ERI3: variants seen among roughly 807,000 people sequenced by gnomAD.
ERI3 encodes ERI1 exoribonuclease 3.
Under a neutral mutation model 44.4 loss-of-function variants are expected in ERI3, and 18 were observed. That is an observed-to-expected ratio of 0.41 (90% confidence interval 0.28 to 0.60). The LOEUF (loss-of-function observed/expected upper bound fraction) is 0.60. Ranked by LOEUF, ERI3 falls within the 20% of genes least tolerant of loss-of-function variation. ERI3 has a pLI of 0.36. For synonymous variants in ERI3, 183 were observed against 164.8 expected, an observed-to-expected ratio of 1.11 and a Z score of -0.84; for missense variants, 294 against 435.5, an observed-to-expected ratio of 0.68 and a Z score of 2.89.
chr1:44,282,900 T>C (rs970157707), intron 7 of ERI3, among the ~76,000 whole-genome samples: 1 of 152,196 alleles, frequency 6.6e-6, no homozygotes, highest in Non-Finnish European at 1.5e-5. Flanking sequence ...CTGGGCAGCC[T>C]GCCTTTACCC....
At chr1:44,289,890 T>G (rs325161) in intron 6 of ERI3, among the ~76,000 whole-genome samples, 98,682 of 152,148 alleles carry the variant, frequency 0.65, 33,282 homozygotes, top group East Asian at 0.81. Context: ...GCACATCCAT[T>G]GAGGTCTGCC....
At chr1:44,274,179 C>T (rs1208720420) in intron 7 of ERI3, among the ~76,000 whole-genome samples, 1 of 152,204 alleles carries the variant, frequency 6.6e-6, no homozygotes, top group East Asian at 1.9e-4. Flanking sequence ...AGCCCTGGCC[C>T]TGCTGCAGTT....
At chr1:44,310,832 C>T (rs1001954779) in intron 5 of ERI3, among the ~76,000 whole-genome samples, 4 of 152,118 alleles carry the variant, frequency 2.6e-5, no homozygotes, top group African/African-American at 9.7e-5. Flanking sequence ...ACCCTCTTTA[C>T]AGTCTGTACA....
chr1:44,292,721 G>T (rs979812740), intron 6 of ERI3, among the ~76,000 whole-genome samples: 2 of 152,236 alleles, frequency 1.3e-5, no homozygotes, highest in Non-Finnish European at 2.9e-5. Context: ...TGACTTATCA[G>T]CCCACTTTGC....
Position 44,339,100 on chromosome 1 carries a change from T to C in ERI3, c.434A>G (p.Tyr145Cys). The change falls in exon 3 of 9, where the codon TAC becomes TGC. Residue 145 changes from tyrosine to cysteine, a missense_variant. Physicochemically the swap from Tyr to Cys is radical, Grantham distance 194. This residue lies in a region of ERI3 where 187 missense variants were observed against 338.6 expected (regional missense o/e 0.55). Transcript: ENST00000372257. ...MVSFPPQRYHYFLVLDFEATC... is the reference protein window; with the variant it reads ...MVSFPPQRYHCFLVLDFEATC... ...GGCCTCAAAGTCCAGCACTAAAAAG[T>C]AGTGATACCTCTGGGGAGGGAAGGA... 1 of 1,613,586 alleles carries C rather than the reference T, an allele frequency of 6.2e-7. No homozygotes were observed.
intron 5 of ERI3, among the ~76,000 whole-genome samples, chr1:44,312,067 T>TA (rs1645984038): frequency 6.6e-6 from 1 of 151,988 alleles, no homozygotes; most frequent in Admixed American, 6.5e-5. Context: ...GAGGTGAGCC[T>TA]AAACTTGCCT....
intron 8 of ERI3, among the ~76,000 whole-genome samples, chr1:44,246,870 G>C (rs1019952097): frequency 6.6e-6 from 1 of 152,126 alleles, no homozygotes; most frequent in Non-Finnish European, 1.5e-5. Flanking sequence ...GGGTCCTTTG[G>C]TCCTGGTATT....
At chr1:44,294,606 G>A (rs983195750) in intron 6 of ERI3, among the ~76,000 whole-genome samples, 3 of 152,216 alleles carry the variant, frequency 2.0e-5, no homozygotes, top group Non-Finnish European at 4.4e-5. Context: ...CATGACTGTA[G>A]AAGTGCTGGA....
At chr1:44,326,841 C>T (rs148805400) in intron 3 of ERI3, among the ~76,000 whole-genome samples, 3 of 152,328 alleles carry the variant, frequency 2.0e-5, no homozygotes, top group Non-Finnish European at 4.4e-5. Flanking sequence ...AAAATAGACA[C>T]TGCTATTCTT....
chr1:44,285,869 C>G (rs551387987), intron 6 of ERI3, among the ~76,000 whole-genome samples: 5 of 152,322 alleles, frequency 3.3e-5, no homozygotes, highest in African/African-American at 1.2e-4. Flanking sequence ...AAGAGAAGAG[C>G]TTTGCTACAG....
intron 3 of ERI3, among the ~76,000 whole-genome samples, chr1:44,330,090 C>T (rs975199908): frequency 6.6e-6 from 1 of 152,250 alleles, no homozygotes; most frequent in African/African-American, 2.4e-5. Context: ...CTTGGAACAA[C>T]TTCCTTTCCA....
chr1:44,304,172 T>C (rs555007747), intron 6 of ERI3, among the ~76,000 whole-genome samples: 5 of 152,200 alleles, frequency 3.3e-5, no homozygotes, highest in African/African-American at 1.2e-4. Flanking sequence ...GGTAGCTGGA[T>C]ACGCAGGTGT....
At chr1:44,275,518 C>T (rs553190031) in intron 7 of ERI3, among the ~76,000 whole-genome samples, 79 of 152,324 alleles carry the variant, frequency 5.2e-4, no homozygotes, top group African/African-American at 1.9e-3. Flanking sequence ...CACACTCAAT[C>T]GTAGACATCA....
At chr1:44,337,436 C>A (rs1367217055) in intron 3 of ERI3, among the ~76,000 whole-genome samples, 2 of 152,244 alleles carry the variant, frequency 1.3e-5, no homozygotes, top group African/African-American at 4.8e-5. Flanking sequence ...TAAGCACCAG[C>A]TGCCCTCACC....
rs1646921021 is a variant in ERI3, at chr1:44,352,748, G to A, written c.211+102C>T. 3 of 1,299,758 alleles carry A rather than the reference G, an allele frequency of 2.3e-6. No homozygotes were observed. In the South Asian group the frequency reaches 4.0e-5, roughly 17 times the overall value. The allele number at this position is 1,299,758 out of a possible 1,614,324, so 80.5% of individuals were successfully genotyped here. On this transcript the variant is annotated intron_variant, in intron 2 of 8. Transcript: ENST00000372257. ...TTCGTTTAGACTTTGGGGATACATG[G>A]GAAAAAAAATACAATCTGCATCAGC... is the stretch of plus-strand genomic sequence containing the variant.
intron 7 of ERI3, among the ~76,000 whole-genome samples, chr1:44,282,745 T>C (rs900955940): frequency 1.3e-5 from 2 of 152,158 alleles, no homozygotes; most frequent in Non-Finnish European, 2.9e-5. Flanking sequence ...TTAGACCCCT[T>C]ATGTCTCCCA....
At chr1:44,250,157 G>A (rs1644645521) in intron 7 of ERI3, among the ~76,000 whole-genome samples, 1 of 152,188 alleles carries the variant, frequency 6.6e-6, no homozygotes, top group Non-Finnish European at 1.5e-5. Flanking sequence ...AATTCAATTC[G>A]AAGGTGATCC....
chr1:44,308,248 A>T (rs1645881639), intron 6 of ERI3, 62 bp downstream of exon 6: 1 of 1,222,400 alleles, frequency 8.2e-7, no homozygotes, highest in African/African-American at 1.5e-5. Flanking sequence ...AGCCTCCAAA[A>T]GGCCAGACCT....
chr1:44,342,817 A>C (rs1478935068), intron 2 of ERI3, among the ~76,000 whole-genome samples: 2 of 9,310 alleles, frequency 2.1e-4, no homozygotes, highest in Non-Finnish European at 4.3e-4. Flanking sequence ...CAGCTAATAT[A>C]TATATATATA....
Sources: allele counts gnomAD v4.1 joint callset (sites outside exome capture counted in the v4.1 genomes callset), GRCh38; gene constraint gnomAD v4.1.1; regional missense constraint gnomAD v4.1.1; transcripts MANE v1.5; gene names NCBI Gene and HGNC (gene_info 2026-07-23, HGNC 2026-07-21).